The following AGBL4 variants were observed in gnomAD, a reference collection of about 807,000 sequenced individuals.
The protein encoded by AGBL4 is cytosolic carboxypeptidase 6.
A neutral mutation model predicts 66.4 loss-of-function variants in AGBL4; 58 were observed. The ratio of observed to expected loss-of-function variants is 0.87; its 90% confidence interval spans 0.71 to 1.09. AGBL4 has a LOEUF of 1.09. AGBL4 is among the 50% of genes least tolerant of loss of function. The pLI is 0.00. For missense variants in AGBL4, 579 were observed against 631.0 expected, an observed-to-expected ratio of 0.92 and a Z score of 0.88; for synonymous variants, 234 against 222.9, an observed-to-expected ratio of 1.05 and a Z score of -0.44.
At chr1:49,844,998 C>T in intron 2 of AGBL4, 3 of 1,431,510 alleles carry the variant, frequency 2.1e-6, no homozygotes, top group Non-Finnish European at 2.9e-6. Context: ...AAGGCCCCCA[C>T]ACGTGGGGAA....
At chr1:49,845,564 C>T in intron 2 of AGBL4, 3 of 1,600,804 alleles carry the variant, frequency 1.9e-6, no homozygotes, top group Non-Finnish European at 1.7e-6. Context: ...CAAATCCACA[C>T]AGGGGAGAAG....
At chr1:49,523,279 G>T (rs1020988481) in intron 3 of AGBL4, among the ~76,000 whole-genome samples, 10 of 151,970 alleles carry the variant, frequency 6.6e-5, no homozygotes, top group African/African-American at 1.9e-4. Flanking sequence ...AGCAAAATAG[G>T]CACATGATTG....
At chr1:48,968,555 G>T (rs1658638696) in intron 5 of AGBL4, among the ~76,000 whole-genome samples, 2 of 152,034 alleles carry the variant, frequency 1.3e-5, no homozygotes, top group Non-Finnish European at 1.5e-5. Flanking sequence ...AGACATATTT[G>T]AATATCACTA....
chr1:49,850,488 A>C (rs1015900851), intron 2 of AGBL4, among the ~76,000 whole-genome samples: 1 of 152,164 alleles, frequency 6.6e-6, no homozygotes, highest in Non-Finnish European at 1.5e-5. Context: ...GAAAGTAAGA[A>C]ACAATAAACA....
intron 4 of AGBL4, among the ~76,000 whole-genome samples, chr1:49,213,908 T>C (rs1340492417): frequency 2.0e-5 from 3 of 152,134 alleles, no homozygotes; most frequent in African/African-American, 7.2e-5. Context: ...CAGCCCACCA[T>C]AGCAGACAGT....
chr1:49,523,956 CCATCATCAT>C (rs201580756), intron 3 of AGBL4, among the ~76,000 whole-genome samples: 3 of 150,878 alleles, frequency 2.0e-5, no homozygotes, highest in African/African-American at 4.9e-5. Flanking sequence ...AGCATTATCA[CCATCATCAT>C]CATCATCATC....
chr1:49,140,899 A>C (rs936090518), intron 4 of AGBL4, among the ~76,000 whole-genome samples: 1 of 152,228 alleles, frequency 6.6e-6, no homozygotes, highest in African/African-American at 2.4e-5. Flanking sequence ...ATTGTGATGA[A>C]GGGAAAATTG....
At chr1:49,938,128 A>C (rs1306327379) in intron 1 of AGBL4, among the ~76,000 whole-genome samples, 4 of 150,722 alleles carry the variant, frequency 2.7e-5, no homozygotes, top group African/African-American at 7.4e-5. Context: ...AAGAGAGAAG[A>C]ATCAAATAGA....
chr1:48,770,393 G>T (rs768595305), intron 6 of AGBL4, among the ~76,000 whole-genome samples: 2 of 152,160 alleles, frequency 1.3e-5, no homozygotes, highest in Non-Finnish European at 2.9e-5. Flanking sequence ...ACCTATCTCT[G>T]CTGGTTATCC....
chr1:49,983,366 C>T (rs1659234858), intron 1 of AGBL4, among the ~76,000 whole-genome samples: 1 of 152,272 alleles, frequency 6.6e-6, no homozygotes, highest in Admixed American at 6.5e-5. Context: ...GCTACAGCCT[C>T]ACAGAGAGCC....
At chr1:49,105,889 ATC>A (rs1645283771) in intron 4 of AGBL4, among the ~76,000 whole-genome samples, 2 of 152,144 alleles carry the variant, frequency 1.3e-5, no homozygotes, top group South Asian at 2.1e-4. Context: ...ATTCTTTTTC[ATC>A]TCTTGATTAA....
intron 4 of AGBL4, among the ~76,000 whole-genome samples, chr1:49,124,517 C>A (rs1298668144): frequency 6.6e-6 from 1 of 152,184 alleles, no homozygotes; most frequent in Non-Finnish European, 1.5e-5. Context: ...AACTTAGAGG[C>A]TTTACAAGGG....
chr1:48,894,282 C>T (rs752760015), intron 5 of AGBL4, among the ~76,000 whole-genome samples: 12 of 152,160 alleles, frequency 7.9e-5, no homozygotes, highest in Non-Finnish European at 1.5e-4. Flanking sequence ...GCTTTGCATA[C>T]ATTCTCATTT....
At chr1:49,523,641 G>A (rs527787076) in intron 3 of AGBL4, among the ~76,000 whole-genome samples, 7 of 152,162 alleles carry the variant, frequency 4.6e-5, no homozygotes, top group South Asian at 2.1e-4. Flanking sequence ...AACACGTGAC[G>A]TAAGGTTGAT....
chr1:49,844,727 T>C, intron 2 of AGBL4: 2 of 1,604,114 alleles, frequency 1.2e-6, no homozygotes, highest in Non-Finnish European at 1.7e-6. Context: ...CTGTCAGTTC[T>C]AAAGCAACGT....
chr1:49,159,452 C>T (rs951137216), intron 4 of AGBL4, among the ~76,000 whole-genome samples: 2 of 152,132 alleles, frequency 1.3e-5, no homozygotes, highest in Non-Finnish European at 2.9e-5. Flanking sequence ...TGTTGGGCTT[C>T]CCTTTGTGGG....
At chr1:50,022,336 T>C (rs559609786) in intron 1 of AGBL4, among the ~76,000 whole-genome samples, 2 of 152,252 alleles carry the variant, frequency 1.3e-5, no homozygotes, top group African/African-American at 4.8e-5. Context: ...GGTAAGCTCA[T>C]CCAAAGCAGG....
chr1:49,172,675 G>A (rs1646760288), intron 4 of AGBL4, among the ~76,000 whole-genome samples: 1 of 152,128 alleles, frequency 6.6e-6, no homozygotes, highest in South Asian at 2.1e-4. Flanking sequence ...GAAGCACAGG[G>A]TACACAGAAG....
chr1:49,719,021 A>G (rs765618147), intron 2 of AGBL4, among the ~76,000 whole-genome samples: 6 of 152,142 alleles, frequency 3.9e-5, no homozygotes, highest in Non-Finnish European at 7.4e-5. Context: ...TGAAATGCCC[A>G]TTAGAATAGG....
Sources: allele counts gnomAD v4.1 joint callset (sites outside exome capture counted in the v4.1 genomes callset), GRCh38; gene constraint gnomAD v4.1.1; transcripts MANE v1.5; gene names NCBI Gene and HGNC (gene_info 2026-07-23, HGNC 2026-07-21).